The following TSGA13 variants were observed in gnomAD, a reference collection of about 807,000 sequenced individuals.
TSGA13 encodes testis specific 13, also known as testis-specific gene 13 protein.
A neutral mutation model predicts 35.1 loss-of-function variants in TSGA13; 37 were observed. The ratio of observed to expected loss-of-function variants is 1.05; its 90% CI spans 0.81 to 1.39. The LOEUF (loss-of-function observed/expected upper bound fraction) is 1.39. Among genes scored for constraint, TSGA13 ranks in the 40% most tolerant of loss-of-function variants. The pLI is 0.00. For missense variants in TSGA13, 338 were observed against 328.5 expected (o/e 1.03, Z -0.22); for synonymous variants, 124 against 121.2 (o/e 1.02, Z -0.15).
chr7:130,679,075 TGTTAA>T, intron 5 of TSGA13, 75 bp downstream of exon 5: 2 of 1,167,664 alleles, frequency 1.7e-6, no homozygotes, highest in African/African-American at 1.5e-5. Context: ...CTATTCTCCA[TGTTAA>T]GTTAACTTCC....
At chr7:130,677,968 A>G (rs1796451730) in intron 5 of TSGA13, among the ~76,000 whole-genome samples, 1 of 152,202 alleles carries the variant, frequency 6.6e-6, no homozygotes, top group South Asian at 2.1e-4. Context: ...TTCCTTTAAG[A>G]CAGAAACTGT....
At chr7:130,676,014 G>T (rs1351633485) in intron 5 of TSGA13, among the ~76,000 whole-genome samples, 2 of 152,172 alleles carry the variant, frequency 1.3e-5, no homozygotes, top group South Asian at 2.1e-4. Flanking sequence ...GGAGACTGTG[G>T]TAGGGTCAGT....
chr7:130,675,684 G>C (rs1796397706), intron 5 of TSGA13, among the ~76,000 whole-genome samples: 1 of 152,142 alleles, frequency 6.6e-6, no homozygotes, highest in African/African-American at 2.4e-5. Flanking sequence ...CGCCAGGCCG[G>C]TTTGAGTCTT....
chr7:130,672,713 C>G, intron 6 of TSGA13, 21 bp downstream of exon 6: 1 of 1,608,222 alleles, frequency 6.2e-7, no homozygotes, highest in East Asian at 2.2e-5. Context: ...AAAGCAAGTA[C>G]AAGAAGAAGC....
chr7:130,677,581 C>T (rs549106934), intron 5 of TSGA13, among the ~76,000 whole-genome samples: 3 of 152,074 alleles, frequency 2.0e-5, no homozygotes, highest in Non-Finnish European at 4.4e-5. Context: ...TGCAGCACCA[C>T]GCATGGCTAA....
At chr7:130,674,298 G>A (rs1428380679) in intron 5 of TSGA13, among the ~76,000 whole-genome samples, 5 of 143,252 alleles carry the variant, frequency 3.5e-5, no homozygotes, top group Non-Finnish European at 6.0e-5. Flanking sequence ...TCAGCCTCCC[G>A]AGTAGCTAGG....
upstream of TSGA13, chr7:130,687,429 A>G (rs1796680133): frequency 6.6e-6 from 1 of 152,224 alleles, no homozygotes; most frequent in African/African-American, 2.4e-5. Context: ...TATCTTATGC[A>G]TTCAAAACTA....
intron 5 of TSGA13, among the ~76,000 whole-genome samples, chr7:130,677,446 A>G (rs1554464297): frequency 6.7e-6 from 1 of 148,660 alleles, no homozygotes; most frequent in Non-Finnish European, 1.5e-5. Context: ...TTTTTTTGAG[A>G]TAGAGTCTCG....
chr7:130,671,814 G>T (rs782681957), intron 6 of TSGA13, 26 bp from the exon 7 acceptor site: 1 of 1,554,154 alleles, frequency 6.4e-7, no homozygotes, highest in Non-Finnish European at 8.7e-7. Context: ...TCTTTGTTTA[G>T]TAGATCCTAG....
intron 3 of TSGA13, among the ~76,000 whole-genome samples, chr7:130,681,991 G>A (rs1400915492): frequency 1.3e-5 from 2 of 151,910 alleles, no homozygotes; most frequent in African/African-American, 4.8e-5. Context: ...CCAGGCTGGA[G>A]GGCATTGGTG....
chr7:130,668,753 G>C lies in TSGA13; in HGVS notation c.*261C>G. The C allele has an allele frequency of 6.9e-7, 1 of 1,452,842 alleles. No homozygotes were observed. Among genetic ancestry groups the C allele is most frequent in the South Asian group, 1.3e-5 (1 of 75,844 alleles). 90.0% of individuals were successfully genotyped at this position (1,452,842 alleles called of 1,614,324 possible). A position where few individuals can be genotyped will look rare whatever the true frequency, so the allele number is the denominator to read the frequency against. On this transcript the variant is annotated 3_prime_UTR_variant, in exon 8 of 8. Coordinates refer to ENST00000356588, the MANE Select transcript of TSGA13 (RefSeq NM_052933.4). ...AGCGGAAGAGGCTGCAGGAAGGCCG[G>C]CCCCGCGCTCTCACGCCGGTTGGGC... is the stretch of plus-strand genomic sequence containing the variant.
intron 5 of TSGA13, among the ~76,000 whole-genome samples, chr7:130,673,404 C>G (rs1554463661): frequency 6.6e-6 from 1 of 152,112 alleles, no homozygotes. Flanking sequence ...GTCTGTTTGT[C>G]TGTCCCTCCT....
At chr7:130,670,182 C>T (rs1301714896) in intron 7 of TSGA13, among the ~76,000 whole-genome samples, 2 of 152,092 alleles carry the variant, frequency 1.3e-5, no homozygotes, top group Admixed American at 6.5e-5. Context: ...GCAGTATTTA[C>T]GGAGTTAAGA....
At chr7:130,675,223 G>C (rs981378023) in intron 5 of TSGA13, among the ~76,000 whole-genome samples, 2 of 151,300 alleles carry the variant, frequency 1.3e-5, no homozygotes, top group Non-Finnish European at 2.9e-5. Context: ...ATAAATATGT[G>C]TGTATATATA....
chr7:130,673,713 A>G (rs1053531309), intron 5 of TSGA13, among the ~76,000 whole-genome samples: 2 of 151,964 alleles, frequency 1.3e-5, no homozygotes, highest in Non-Finnish European at 2.9e-5. Context: ...TACAGTTCAT[A>G]TTCTAACTAA....
At chr7:130,679,678 T>C (rs937757716) in intron 4 of TSGA13, among the ~76,000 whole-genome samples, 9 of 152,140 alleles carry the variant, frequency 5.9e-5, no homozygotes, top group Non-Finnish European at 1.2e-4. Flanking sequence ...TCCAGCTGAT[T>C]TTTGTGGGTT....
chr7:130,679,008 CAG>C, intron 5 of TSGA13, 145 bp downstream of exon 5: 1 of 670,840 alleles, frequency 1.5e-6, no homozygotes, highest in Non-Finnish European at 2.6e-6. Flanking sequence ...GCCTGGGTAA[CAG>C]AGTGAGACCC....
At chr7:130,681,041 T>C (rs1796533851) in intron 3 of TSGA13, 24 bp from the exon 4 acceptor site, 1 of 1,607,806 alleles carries the variant, frequency 6.2e-7, no homozygotes, top group African/African-American at 1.3e-5. Flanking sequence ...TCAAAGTTAG[T>C]GGTTTGAAGT....
chr7:130,678,356 G>A (rs1796459974), intron 5 of TSGA13, among the ~76,000 whole-genome samples: 1 of 150,880 alleles, frequency 6.6e-6, no homozygotes. Context: ...TCCAGCCTGA[G>A]CGATAGAACG....
Sources: gnomAD v4.1 joint callset for allele counts (sites outside exome capture counted in the v4.1 genomes callset) on GRCh38, gnomAD v4.1.1 for gene constraint, MANE v1.5 for transcripts, NCBI Gene and HGNC (gene_info 2026-07-23, HGNC 2026-07-21) for gene names.